Variants in ANKS1B observed in about 807,000 individuals in gnomAD.
ANKS1B encodes the protein ankyrin repeat and sterile alpha motif domain containing 1B.
Under a neutral mutation model 148.3 loss-of-function variants are expected in ANKS1B, and 36 were observed. The ratio of observed to expected loss-of-function variants is 0.24; its 90% confidence interval spans 0.19 to 0.32. ANKS1B has a LOEUF of 0.32. Among genes scored for constraint, ANKS1B ranks in the 10% least tolerant of loss-of-function variants. ANKS1B has a pLI of 1.00. For synonymous variants in ANKS1B, 542 were observed against 560.8 expected (o/e 0.97, Z 0.47); for missense variants, 1,157 against 1,542.6 (o/e 0.75, Z 4.19).
intron 8 of ANKS1B, among the ~76,000 whole-genome samples, chr12:99,694,716 A>C (rs1412073461): frequency 6.6e-6 from 1 of 152,212 alleles, no homozygotes; most frequent in Non-Finnish European, 1.5e-5. Context: ...GGTTTTCAAC[A>C]AACACATACC....
chr12:99,436,313 G>A (rs2095459641), intron 11 of ANKS1B, among the ~76,000 whole-genome samples: 1 of 152,084 alleles, frequency 6.6e-6, no homozygotes, highest in Middle Eastern at 3.4e-3. Context: ...GTGGCCTCAG[G>A]CCCAATCAGT....
At chr12:99,285,245 A>C (rs2078975448) in intron 12 of ANKS1B, among the ~76,000 whole-genome samples, 1 of 152,160 alleles carries the variant, frequency 6.6e-6, no homozygotes, top group Non-Finnish European at 1.5e-5. Context: ...AGCTGCCTTT[A>C]CTCAGCATAG....
Position 99,852,857 on chromosome 12 carries a change from T to TC in ANKS1B, c.135-27469dup, listed in dbSNP as rs2088190525. Among the ~76,000 whole-genome samples, 3 of 152,276 alleles carry TC rather than the reference T, an allele frequency of 2.0e-5. No individual in the cohort carries two copies. The South Asian group carries it at 6.2e-4, about 32-fold the overall frequency. On this transcript the variant is annotated intron_variant, in intron 1 of 26. Transcript: ENST00000683438. ...GCTCAACGGCTGCCTGAAAATAAAC[T>TC]CGGTTCTATTGGGAGGGCACAGTGT... is the stretch of plus-strand genomic sequence containing the variant.
intron 1 of ANKS1B, among the ~76,000 whole-genome samples, chr12:99,867,944 C>T (rs1395654885): frequency 3.3e-5 from 5 of 152,064 alleles, no homozygotes; most frequent in East Asian, 3.9e-4. Context: ...TCAAATCCTG[C>T]GATATATAGA....
intron 4 of ANKS1B, 150 bp downstream of exon 4, chr12:99,806,254 G>C (rs2067630775): frequency 2.3e-6 from 2 of 881,706 alleles, no homozygotes; most frequent in South Asian, 3.5e-5. Flanking sequence ...TTTCCCAAAA[G>C]TAGGTGGCAT....
chr12:99,363,032 G>T (rs2092573128), intron 12 of ANKS1B, among the ~76,000 whole-genome samples: 1 of 151,928 alleles, frequency 6.6e-6, no homozygotes, highest in Non-Finnish European at 1.5e-5. Flanking sequence ...CATGGAGGAT[G>T]GTTATAGATA....
At chr12:99,341,767 A>C (rs940864081) in intron 12 of ANKS1B, among the ~76,000 whole-genome samples, 1 of 152,064 alleles carries the variant, frequency 6.6e-6, no homozygotes, top group African/African-American at 2.4e-5. Context: ...CCCCCATTTT[A>C]CAGATAAGGA....
rs547686389 is a variant in ANKS1B at position 99,916,177 on chromosome 12, C to T, written c.134+67927G>A. ...TCTAAGGCAGTTCTCAGACCCAGAG[C>T]CCATCAAGGGGAGGCTAAGTCCTCT... On this transcript the variant is annotated intron_variant, in intron 1 of 26. Transcript: ENST00000683438. Among the ~76,000 whole-genome samples, 20 of 152,272 alleles carry T rather than the reference C, an allele frequency of 1.3e-4. No individual in the cohort carries two copies. The South Asian group carries it at 3.5e-3, about 27-fold the overall frequency.
chr12:99,506,195 T>A (rs941589575), intron 9 of ANKS1B, among the ~76,000 whole-genome samples: 2 of 152,096 alleles, frequency 1.3e-5, no homozygotes, highest in Non-Finnish European at 2.9e-5. Context: ...ACCATCTGTA[T>A]GTGCTACTTT....
At chr12:99,691,593 C>T (rs928530847) in intron 8 of ANKS1B, among the ~76,000 whole-genome samples, 4 of 152,180 alleles carry the variant, frequency 2.6e-5, no homozygotes, top group Non-Finnish European at 4.4e-5. Context: ...TCAACAAATT[C>T]CTCATCTCCA....
chr12:99,246,397 G>A lies in ANKS1B; in HGVS notation c.2224C>T (p.Leu742Phe). 2 of 1,613,890 alleles carry A rather than the reference G, an allele frequency of 1.2e-6. No individual in the cohort carries two copies. Among genetic ancestry groups the A allele is most frequent in the East Asian group, 4.5e-5 (2 of 44,864 alleles). The change falls in exon 13 of 27, where the codon CTC becomes TTC. Residue 742 changes from leucine to phenylalanine, a missense_variant. Transcript: ENST00000683438. ...TTCTCATTGGAAGGATAGGCAATGA[G>A]ATCAGAATCAGATTTAGAGACACTT... ...SKSVSKSDSD[L>F]IAYPSNEKTS... is the part of the protein sequence containing the mutation.
chr12:98,862,460 GTTA>G (rs922949160), intron 17 of ANKS1B, among the ~76,000 whole-genome samples: 24 of 151,914 alleles, frequency 1.6e-4, no homozygotes, highest in South Asian at 6.2e-4. Context: ...GTAGCTAACA[GTTA>G]TTATTATTAT....
intron 17 of ANKS1B, among the ~76,000 whole-genome samples, chr12:98,975,350 TTCCC>T (rs2099892867): frequency 6.9e-6 from 1 of 144,626 alleles, no homozygotes; most frequent in African/African-American, 2.5e-5. Flanking sequence ...TTCTCCTTCC[TTCCC>T]TCCCTCCCTT....
intron 17 of ANKS1B, among the ~76,000 whole-genome samples, chr12:99,036,195 T>C (rs935024975): frequency 3.3e-5 from 5 of 152,208 alleles, no homozygotes; most frequent in African/African-American, 1.2e-4. Context: ...CTACCATGAC[T>C]GAAAAAGTTA....
In ANKS1B at chr12:99,812,235, G is replaced by C; in HGVS notation, c.292C>G (p.Leu98Val). The change falls in exon 3 of 27, where the codon CTG (leucine) becomes GTG (valine). Residue 98 changes from leucine to valine, a missense_variant. By Grantham distance (32) the Leu-to-Val change is conservative. Coordinates refer to ENST00000683438, the MANE Select transcript of ANKS1B (RefSeq NM_001352186.2). ...TCCACATCTCCTTTCCAGGCAGCCA[G>C]GTGAATAGGAAAATACCCTTTGTTG... Reference protein sequence around the residue: ...ADNKGYFPIHLAAWKGDVEIV... With the variant: ...ADNKGYFPIHVAAWKGDVEIV... 6.2e-7 allele frequency: 1 copy of C among 1,612,052 alleles called. No individual in the cohort carries two copies. The highest frequency in any genetic ancestry group is 8.5e-7 in the Non-Finnish European group (1 of 1,178,666).
chr12:99,429,919 G>A (rs1289810974), intron 11 of ANKS1B, among the ~76,000 whole-genome samples: 3 of 151,858 alleles, frequency 2.0e-5, no homozygotes, highest in Admixed American at 6.6e-5. Context: ...AGCCAAGATC[G>A]TGTCACTGCA....
chr12:99,653,928 T>C (rs1287259135), intron 9 of ANKS1B, among the ~76,000 whole-genome samples: 1 of 152,116 alleles, frequency 6.6e-6, no homozygotes, highest in Non-Finnish European at 1.5e-5. Context: ...CCTCCCACAG[T>C]GCTGAGATTA....
chr12:99,226,294 T>C (rs774050115), intron 14 of ANKS1B, among the ~76,000 whole-genome samples: 1 of 152,230 alleles, frequency 6.6e-6, no homozygotes, highest in Admixed American at 6.5e-5. Flanking sequence ...TTGACATCAC[T>C]ATCACAACCA....
chr12:99,799,240 T>C (rs545408653), intron 4 of ANKS1B, among the ~76,000 whole-genome samples: 2 of 152,048 alleles, frequency 1.3e-5, no homozygotes, highest in Non-Finnish European at 2.9e-5. Flanking sequence ...CAGACCTTTT[T>C]CCAGAAACTC....
Sources: gnomAD v4.1 joint callset for allele counts (sites outside exome capture counted in the v4.1 genomes callset) on GRCh38, gnomAD v4.1.1 for gene constraint, MANE v1.5 for transcripts, NCBI Gene and HGNC (gene_info 2026-07-23, HGNC 2026-07-21) for gene names.